CASS4: variants seen among roughly 807,000 people sequenced by gnomAD.
CASS4 encodes the protein Cas scaffold protein family member 4.
Under a neutral mutation model 54.2 loss-of-function variants are expected in CASS4, and 22 were observed. The observed-to-expected ratio is 0.41, with a 90% CI of 0.29 to 0.58. The LOEUF (loss-of-function observed/expected upper bound fraction) is 0.58, where lower values mean the gene tolerates loss of function less well. CASS4 is among the 20% of genes least tolerant of loss of function. The pLI, the probability that CASS4 is intolerant of heterozygous loss-of-function variation, is 0.36. For synonymous variants in CASS4, 409 were observed against 391.5 expected (o/e 1.04, Z -0.53); for missense variants, 854 against 986.7 (o/e 0.87, Z 1.80).
At chr20:56,451,312 G>C (rs895306377) in intron 4 of CASS4, among the ~76,000 whole-genome samples, 1 of 152,192 alleles carries the variant, frequency 6.6e-6, no homozygotes, top group Non-Finnish European at 1.5e-5. Flanking sequence ...CTGTGATACA[G>C]TACACTTTTA....
chr20:56,423,417 A>AC (rs1327213619), intron 1 of CASS4, among the ~76,000 whole-genome samples: 1 of 152,210 alleles, frequency 6.6e-6, no homozygotes, highest in African/African-American at 2.4e-5. Flanking sequence ...TGACTGTCAC[A>AC]CCATGGGAAA....
chr20:56,450,010 C>G (rs552209667), intron 3 of CASS4, among the ~76,000 whole-genome samples: 2 of 151,576 alleles, frequency 1.3e-5, no homozygotes, highest in East Asian at 3.9e-4. Context: ...TTGTTTGCCC[C>G]CCAACCTTTG....
intron 1 of CASS4, among the ~76,000 whole-genome samples, chr20:56,435,800 G>T (rs1421993779): frequency 2.0e-5 from 3 of 152,168 alleles, no homozygotes; most frequent in Non-Finnish European, 4.4e-5. Flanking sequence ...GCCCAGGCTG[G>T]AGTGCAGTGG....
At position 56,437,667 on chromosome 20, in the gene CASS4, T is replaced by C; in HGVS notation, c.459+81T>C. On this transcript the variant is annotated intron_variant, in intron 2 of 5. Transcript: ENST00000679887. This position sits in a 1 kb window ranked among gnomAD's most constrained non-coding sequence, Gnocchi z 4.7. ...GCCTAACTACCTCTTGAGGCATGGG[T>C]GTCCTTCAGATCAAACACGCAAAAC... 7.8e-7 allele frequency: 1 copy of C among 1,282,016 alleles called. No individual in the cohort carries two copies. Among genetic ancestry groups the C allele is most frequent in the Non-Finnish European group, 1.1e-6 (1 of 942,530 alleles). 79.4% of individuals were successfully genotyped at this position (1,282,016 alleles called of 1,614,324 possible). A position where few individuals can be genotyped will look rare whatever the true frequency, so the allele number is the denominator to read the frequency against.
chr20:56,424,256 C>T (rs1444062731), intron 1 of CASS4, among the ~76,000 whole-genome samples: 49 of 152,190 alleles, frequency 3.2e-4, no homozygotes, highest in Non-Finnish European at 2.9e-5. Context: ...AACTAATTCT[C>T]TCACACATTA....
chr20:56,443,452 G>C (rs1424116437), intron 2 of CASS4, among the ~76,000 whole-genome samples: 1 of 104,126 alleles, frequency 9.6e-6, no homozygotes, highest in Non-Finnish European at 1.9e-5. Flanking sequence ...CTGGGTGACA[G>C]AGCGAGACTC....
At chr20:56,450,564 C>T (rs570282121) in intron 3 of CASS4, 35 bp from the exon 4 acceptor site, 1 of 1,590,362 alleles carries the variant, frequency 6.3e-7, no homozygotes, top group Admixed American at 1.7e-5. Flanking sequence ...AGGAAAGAAA[C>T]ATTCAAGTTG....
chr20:56,415,242 G>A (rs959683571), intron 1 of CASS4, among the ~76,000 whole-genome samples: 6 of 152,142 alleles, frequency 3.9e-5, no homozygotes, highest in Non-Finnish European at 8.8e-5. Flanking sequence ...CTTAAGATAT[G>A]TACAGTCATT....
chr20:56,419,843 T>G (rs1037069857), intron 1 of CASS4, among the ~76,000 whole-genome samples: 1 of 151,986 alleles, frequency 6.6e-6, no homozygotes, highest in African/African-American at 2.4e-5. Context: ...GGGAGTTCAA[T>G]ACCAGCCTGA....
intron 1 of CASS4, among the ~76,000 whole-genome samples, chr20:56,421,572 T>C (rs1432378669): frequency 6.6e-6 from 1 of 152,148 alleles, no homozygotes; most frequent in Non-Finnish European, 1.5e-5. Context: ...GGCTCATGCC[T>C]GTAGTCCTAG....
chr20:56,453,245 C>T, intron 5 of CASS4, 116 bp downstream of exon 5: 1 of 705,352 alleles, frequency 1.4e-6, no homozygotes. Flanking sequence ...GACACTGGTT[C>T]CATTTTCTAG....
At chr20:56,432,974 T>C (rs1342498211) in intron 1 of CASS4, among the ~76,000 whole-genome samples, 1 of 152,228 alleles carries the variant, frequency 6.6e-6, no homozygotes, top group Admixed American at 6.5e-5. Flanking sequence ...TGTGATTTCT[T>C]ACCTCTTAAA....
At chr20:56,426,575 C>T (rs751161382) in intron 1 of CASS4, among the ~76,000 whole-genome samples, 14 of 151,726 alleles carry the variant, frequency 9.2e-5, no homozygotes, top group South Asian at 2.1e-4. Context: ...TTCTTCTTTC[C>T]GCCTCCCCCT....
intron 1 of CASS4, among the ~76,000 whole-genome samples, chr20:56,435,602 G>A (rs889873223): frequency 5.9e-5 from 9 of 152,212 alleles, no homozygotes; most frequent in East Asian, 5.8e-4. Flanking sequence ...CATCACTGCC[G>A]TGGTAACAAG....
At chr20:56,434,210 C>T (rs1208214650) in intron 1 of CASS4, among the ~76,000 whole-genome samples, 1 of 152,134 alleles carries the variant, frequency 6.6e-6, no homozygotes, top group Non-Finnish European at 1.5e-5. Context: ...CACCCACCGA[C>T]TTCCCACTGA....
intron 1 of CASS4, among the ~76,000 whole-genome samples, chr20:56,435,617 C>CT (rs1217787977): frequency 1.3e-5 from 2 of 152,138 alleles, no homozygotes; most frequent in Non-Finnish European, 2.9e-5. Context: ...AACAAGGCGA[C>CT]TTTTTTTAGA....
chr20:56,450,872 A>C (rs1229826268), intron 4 of CASS4, among the ~76,000 whole-genome samples, 193 bp downstream of exon 4: 1 of 152,098 alleles, frequency 6.6e-6, no homozygotes, highest in African/African-American at 2.4e-5. Flanking sequence ...CATCTCTACT[A>C]AAAATACAAA....
At chr20:56,412,160 G>T, upstream of CASS4, 2 of 405,652 alleles carry the variant, frequency 4.9e-6, no homozygotes, top group Non-Finnish European at 9.0e-6. This position sits in a 1 kb window ranked among gnomAD's most constrained non-coding sequence, Gnocchi z 4.2. Context: ...GTTTCACATA[G>T]CAAATGAGTG....
intron 1 of CASS4, among the ~76,000 whole-genome samples, chr20:56,429,632 T>A (rs1012867480): frequency 6.6e-6 from 1 of 152,014 alleles, no homozygotes; most frequent in Non-Finnish European, 1.5e-5. Flanking sequence ...TCACTCATAC[T>A]CACACACGCC....
Sources: gnomAD v4.1 joint callset for allele counts (sites outside exome capture counted in the v4.1 genomes callset) on GRCh38, gnomAD v4.1.1 for gene constraint, Gnocchi (gnomAD v3.1) non-coding constraint, MANE v1.5 for transcripts, NCBI Gene and HGNC (gene_info 2026-07-23, HGNC 2026-07-21) for gene names.